Variants in LDB2 observed in about 807,000 individuals in gnomAD.
The protein encoded by LDB2 is LIM domain-binding protein 2.
Under a neutral mutation model 44.3 loss-of-function variants are expected in LDB2, and 12 were observed. That is an observed-to-expected ratio of 0.27 (90% CI 0.17 to 0.44). LDB2 has a LOEUF of 0.44. Ranked by LOEUF, LDB2 falls within the 20% of genes least tolerant of loss-of-function variation. The pLI is 1.00. For synonymous variants in LDB2, 164 were observed against 174.8 expected (o/e 0.94, Z 0.49); for missense variants, 344 against 473.5 (o/e 0.73, Z 2.54).
At chr4:16,768,170 A>C (rs958426035) in intron 1 of LDB2, among the ~76,000 whole-genome samples, 2 of 152,206 alleles carry the variant, frequency 1.3e-5, no homozygotes, top group African/African-American at 4.8e-5. Context: ...ACCATACTTA[A>C]AGCATCTATT....
chr4:16,705,845 T>C (rs1754486116), intron 2 of LDB2, among the ~76,000 whole-genome samples: 1 of 152,292 alleles, frequency 6.6e-6, no homozygotes, highest in Non-Finnish European at 1.5e-5. Flanking sequence ...TTTGTTAGTC[T>C]AGTCCCCTCT....
intron 1 of LDB2, among the ~76,000 whole-genome samples, chr4:16,801,689 G>A (rs975748157): frequency 5.9e-5 from 9 of 152,008 alleles, no homozygotes; most frequent in Non-Finnish European, 1.5e-5. Context: ...CTATGAAATC[G>A]AATTATAAAA....
Position 16,689,713 on chromosome 4 carries a change from C to T in LDB2, c.235+69445G>A, listed in dbSNP as rs117582202. The stretch of plus-strand genomic sequence containing the variant: ...GATTTAAAAATATGGGACCTAGGCC[C>T]CTGAGCATAGTAAATGAGTAGCTTC... On this transcript the variant is annotated intron_variant, in intron 2 of 7. Transcript: ENST00000304523. 2.4e-4 allele frequency among the ~76,000 whole-genome samples: 37 copies of T among 152,280 alleles called. No individual in the cohort carries two copies. In the East Asian group the frequency reaches 6.2e-3, roughly 25 times the overall value.
intron 2 of LDB2, among the ~76,000 whole-genome samples, chr4:16,681,871 T>C (rs1388364985): frequency 1.3e-5 from 2 of 152,074 alleles, no homozygotes; most frequent in East Asian, 3.9e-4. Flanking sequence ...GTGCCCGGCC[T>C]CTATTCTTCA....
intron 2 of LDB2, among the ~76,000 whole-genome samples, chr4:16,639,017 G>T (rs541739905): frequency 6.6e-6 from 1 of 152,310 alleles, no homozygotes; most frequent in South Asian, 2.1e-4. Flanking sequence ...TGCAAAAAGA[G>T]TAGTTGCAAA....
chr4:16,686,296 GGAA>G (rs1284244386), intron 2 of LDB2, among the ~76,000 whole-genome samples: 2 of 152,136 alleles, frequency 1.3e-5, no homozygotes, highest in Admixed American at 6.5e-5. Context: ...TGCACAATTA[GGAA>G]GAAGTTTTAT....
intron 1 of LDB2, among the ~76,000 whole-genome samples, chr4:16,853,723 A>G (rs1788753889): frequency 6.6e-6 from 1 of 152,162 alleles, no homozygotes; most frequent in Admixed American, 6.5e-5. Flanking sequence ...TGTGGGCACA[A>G]CAAGCATCCG....
chr4:16,847,622 T>A (rs1787306704), intron 1 of LDB2, among the ~76,000 whole-genome samples: 1 of 152,200 alleles, frequency 6.6e-6, no homozygotes, highest in Non-Finnish European at 1.5e-5. Context: ...TGTTTGTTTG[T>A]TTGTTTGTTT....
intron 5 of LDB2, among the ~76,000 whole-genome samples, chr4:16,519,704 T>A (rs917727771): frequency 1.3e-5 from 2 of 151,118 alleles, no homozygotes; most frequent in Non-Finnish European, 2.9e-5. Flanking sequence ...ATTATCTAGC[T>A]ATGTGTTCTT....
chr4:16,610,725 G>A (rs911364763), intron 2 of LDB2, among the ~76,000 whole-genome samples: 2 of 151,888 alleles, frequency 1.3e-5, no homozygotes, highest in East Asian at 1.9e-4. Flanking sequence ...TAAAAAGACC[G>A]AACCTACGAT....
intron 1 of LDB2, among the ~76,000 whole-genome samples, chr4:16,809,658 C>T (rs1319332691): frequency 6.6e-6 from 1 of 151,732 alleles, no homozygotes; most frequent in African/African-American, 2.4e-5. Flanking sequence ...AAGTTTTGTA[C>T]CTAAACCATG....
intron 5 of LDB2, among the ~76,000 whole-genome samples, chr4:16,570,881 T>C (rs1307063740): frequency 6.6e-6 from 1 of 152,226 alleles, no homozygotes; most frequent in Non-Finnish European, 1.5e-5. Flanking sequence ...ATGCTCTCAA[T>C]TACTCATTGA....
At chr4:16,749,994 A>G (rs1251496708) in intron 2 of LDB2, among the ~76,000 whole-genome samples, 1 of 151,954 alleles carries the variant, frequency 6.6e-6, no homozygotes. Flanking sequence ...TACTTTTTAT[A>G]TTTTTTAATT....
intron 2 of LDB2, among the ~76,000 whole-genome samples, chr4:16,647,840 A>T (rs900311615): frequency 2.6e-5 from 4 of 152,004 alleles, no homozygotes; most frequent in African/African-American, 9.7e-5. Flanking sequence ...ACCTTACCTG[A>T]CTCTCAGGTC....
chr4:16,857,712 G>A (rs968522915), intron 1 of LDB2, among the ~76,000 whole-genome samples: 1 of 152,144 alleles, frequency 6.6e-6, no homozygotes, highest in Non-Finnish European at 1.5e-5. Flanking sequence ...ATGTTGGCAA[G>A]CCTCATTCTC....
intron 1 of LDB2, among the ~76,000 whole-genome samples, chr4:16,871,224 T>C (rs1392338996): frequency 6.6e-6 from 1 of 152,240 alleles, no homozygotes; most frequent in Non-Finnish European, 1.5e-5. Flanking sequence ...TACTGTATAA[T>C]GGTGTGTGTC....
At chr4:16,877,550 G>T (rs1424882047) in intron 1 of LDB2, among the ~76,000 whole-genome samples, 1 of 152,152 alleles carries the variant, frequency 6.6e-6, no homozygotes, top group African/African-American at 2.4e-5. Context: ...ATTCTCACAG[G>T]CATAGGTGAA....
chr4:16,847,924 T>G (rs1294053211), intron 1 of LDB2, among the ~76,000 whole-genome samples: 1 of 152,190 alleles, frequency 6.6e-6, no homozygotes, highest in Non-Finnish European at 1.5e-5. Flanking sequence ...CCTAACACAT[T>G]TTTTAAAGTA....
chr4:16,737,283 C>T (rs757233845), intron 2 of LDB2, among the ~76,000 whole-genome samples: 1 of 152,058 alleles, frequency 6.6e-6, no homozygotes, highest in Non-Finnish European at 1.5e-5. Flanking sequence ...GGCTGAAGTG[C>T]CGTGGTGTGA....
Sources: allele counts gnomAD v4.1 joint callset (sites outside exome capture counted in the v4.1 genomes callset), GRCh38; gene constraint gnomAD v4.1.1; transcripts MANE v1.5; gene names NCBI Gene and HGNC (gene_info 2026-07-23, HGNC 2026-07-21).